DNAH12: variants seen among roughly 807,000 people sequenced by gnomAD.
DNAH12 encodes dynein axonemal heavy chain 12.
In DNAH12, 285 loss-of-function variants were observed where a neutral mutation model predicts 371.5. That is an observed-to-expected ratio of 0.77 (90% confidence interval 0.70 to 0.85). The LOEUF (loss-of-function observed/expected upper bound fraction) is 0.85, where lower values mean the gene tolerates loss of function less well. DNAH12 is among the 40% of genes least tolerant of loss of function. The probability of loss-of-function intolerance (pLI) is 0.00; values close to 1 mark genes in which losing one functional copy is unlikely to be tolerated. For synonymous variants in DNAH12, 1,200 were observed against 1,213.0 expected (o/e 0.99, Z 0.22); for missense variants, 3,611 against 3,689.4 (o/e 0.98, Z 0.55).
At position 57,483,520 on chromosome 3, in the gene DNAH12, A is replaced by G; in HGVS notation, c.1515-9T>C. 1 of 1,544,620 alleles carries G rather than the reference A, an allele frequency of 6.5e-7. No homozygotes were observed. The highest frequency in any genetic ancestry group is 1.2e-5 in the South Asian group (1 of 82,530). On this transcript the variant is annotated splice_polypyrimidine_tract_variant and intron_variant, in intron 12 of 73. Coordinates refer to ENST00000495027, the MANE Select transcript of DNAH12 (RefSeq NM_001366028.2). ...CAAATTCACTGCAAATACTGACATAATACTCTGCTTTAATAGACTTATGGC... is the reference window on the plus strand; with the variant it reads ...CAAATTCACTGCAAATACTGACATAGTACTCTGCTTTAATAGACTTATGGC...
intron 2 of DNAH12, among the ~76,000 whole-genome samples, chr3:57,525,696 TAC>T (rs1282749225): frequency 2.0e-5 from 3 of 151,086 alleles, no homozygotes; most frequent in African/African-American, 2.4e-5. Flanking sequence ...TTTTAAAATG[TAC>T]AATTAAATTA....
At position 57,489,696 on chromosome 3, in the gene DNAH12, A is replaced by G. The variant is rs1193457038; in HGVS notation, c.1336-9T>C. On this transcript the variant is annotated splice_polypyrimidine_tract_variant and intron_variant, in intron 11 of 73. Coordinates refer to ENST00000495027, the MANE Select transcript of DNAH12 (RefSeq NM_001366028.2). ...AGAAATTTTTCTATAAACTTGAAAA[A>G]AAGTGTTCAAATGAAAAAAAAAATG... is the stretch of plus-strand genomic sequence containing the variant. 7 of 1,499,630 alleles carry G rather than the reference A, an allele frequency of 4.7e-6. No homozygotes were observed. In the East Asian group the frequency reaches 1.3e-4, roughly 28 times the overall value. The allele number at this position is 1,499,630 out of a possible 1,614,324, so 92.9% of individuals were successfully genotyped here.
intron 52 of DNAH12, among the ~76,000 whole-genome samples, chr3:57,378,754 C>T (rs1271262969): frequency 2.0e-5 from 3 of 152,188 alleles, no homozygotes; most frequent in Non-Finnish European, 4.4e-5. Flanking sequence ...TCTTTCCATG[C>T]TCTGCCTCTT....
chr3:57,488,959 T>C (rs1221078859), intron 12 of DNAH12, among the ~76,000 whole-genome samples: 2 of 151,206 alleles, frequency 1.3e-5, no homozygotes, highest in South Asian at 2.1e-4. Context: ...TGTGTGTGTG[T>C]GCACGTGCGT....
At chr3:57,326,162 C>T (rs1575454741) in intron 62 of DNAH12, among the ~76,000 whole-genome samples, 2 of 152,072 alleles carry the variant, frequency 1.3e-5, no homozygotes, top group South Asian at 2.1e-4. Context: ...AGAACTTCCC[C>T]AATCTAGCAA....
chr3:57,311,397 T>A (rs1405066375), intron 66 of DNAH12, among the ~76,000 whole-genome samples: 1 of 152,240 alleles, frequency 6.6e-6, no homozygotes, highest in African/African-American at 2.4e-5. Flanking sequence ...TATCTTAAAT[T>A]GCTTGTCTGT....
chr3:57,440,034 T>C (rs1362371493), intron 29 of DNAH12, among the ~76,000 whole-genome samples: 2 of 152,140 alleles, frequency 1.3e-5, no homozygotes, highest in African/African-American at 4.8e-5. Context: ...CAACAGATGC[T>C]GGCAAGCCTG....
intron 4 of DNAH12, among the ~76,000 whole-genome samples, chr3:57,521,437 A>C (rs544676985): frequency 2.6e-5 from 4 of 152,254 alleles, no homozygotes; most frequent in Non-Finnish European, 5.9e-5. Context: ...CTGAGGCAGG[A>C]GGATCACTTG....
chr3:57,318,660 T>C (rs2061738631), intron 65 of DNAH12, among the ~76,000 whole-genome samples: 1 of 152,002 alleles, frequency 6.6e-6, no homozygotes, highest in African/African-American at 2.4e-5. Context: ...TTTGTATTTT[T>C]GTATTTGGAA....
chr3:57,367,241 C>A (rs1004261422), intron 56 of DNAH12, among the ~76,000 whole-genome samples: 1 of 152,072 alleles, frequency 6.6e-6, no homozygotes, highest in African/African-American at 2.4e-5. Context: ...GGCTAAGGAA[C>A]AAGAATCGCT....
chr3:57,374,331 T>C (rs1288465323), intron 55 of DNAH12, among the ~76,000 whole-genome samples: 4 of 152,190 alleles, frequency 2.6e-5, no homozygotes, highest in Non-Finnish European at 5.9e-5. Context: ...AAGAGCTCCA[T>C]AGTATCTATC....
At chr3:57,439,160 C>CTA (rs553628159) in intron 29 of DNAH12, among the ~76,000 whole-genome samples, 14 of 152,110 alleles carry the variant, frequency 9.2e-5, no homozygotes, top group African/African-American at 3.4e-4. Context: ...AATGCTACTC[C>CTA]TATCAAGCTA....
chr3:57,550,890 T>TA, the DNAH12 span, among the ~76,000 whole-genome samples: 1 of 150,856 alleles, frequency 6.6e-6, no homozygotes, highest in East Asian at 2.0e-4. Flanking sequence ...ATTTTTTTTT[T>TA]TTTTTTGAGA....
At chr3:57,507,973 G>C in intron 7 of DNAH12, 135 bp from the exon 8 acceptor site, 1 of 743,782 alleles carries the variant, frequency 1.3e-6, no homozygotes, top group Non-Finnish European at 2.0e-6. Context: ...CAGATCACGA[G>C]GTCAGGAGTT....
At chr3:57,317,643 C>T (rs1200222923) in intron 65 of DNAH12, among the ~76,000 whole-genome samples, 1 of 151,236 alleles carries the variant, frequency 6.6e-6, no homozygotes, top group Non-Finnish European at 1.5e-5. Context: ...TGAACACTGG[C>T]CTGCTAATAT....
At chr3:57,554,690 A>G in the DNAH12 span, among the ~76,000 whole-genome samples, 58 of 152,108 alleles carry the variant, frequency 3.8e-4, no homozygotes, top group South Asian at 0.012. Flanking sequence ...ATCTCAACTC[A>G]CTATGACCTC....
At chr3:57,470,288 C>G (rs1435762167) in intron 16 of DNAH12, among the ~76,000 whole-genome samples, 155 bp downstream of exon 16, 1 of 151,930 alleles carries the variant, frequency 6.6e-6, no homozygotes, top group African/African-American at 2.4e-5. Flanking sequence ...GGGACCTTAG[C>G]AGCACTGGAT....
rs979285503 is a variant in DNAH12, at chr3:57,362,363, A to G, written c.9360+1231T>C. On this transcript the variant is annotated intron_variant, in intron 58 of 73. Coordinates refer to ENST00000495027, the MANE Select transcript of DNAH12 (RefSeq NM_001366028.2). ...TGTCTTTATAGTAGCGTGATTTATA[A>G]TCCTTTGGGTATATACCCAGTAATG... 1.2e-3 allele frequency among the ~76,000 whole-genome samples: 185 copies of G among 152,280 alleles called. 1 individual carries two copies. The East Asian group carries it at 0.03, about 25-fold the overall frequency.
intron 10 of DNAH12, among the ~76,000 whole-genome samples, chr3:57,502,051 C>T (rs1575694814): frequency 6.6e-6 from 1 of 152,088 alleles, no homozygotes; most frequent in African/African-American, 2.4e-5. Context: ...GGACTACAGG[C>T]GCCCGCCACG....
Sources: allele counts gnomAD v4.1 joint callset (sites outside exome capture counted in the v4.1 genomes callset), GRCh38; gene constraint gnomAD v4.1.1; transcripts MANE v1.5; gene names NCBI Gene and HGNC (gene_info 2026-07-23, HGNC 2026-07-21).